The following DAPK1 variants were observed in gnomAD, a reference collection of about 807,000 sequenced individuals.
DAPK1 encodes death associated protein kinase 1.
In DAPK1, 56 loss-of-function variants were observed where a neutral mutation model predicts 144.9. The ratio of observed to expected loss-of-function variants is 0.39; its 90% CI spans 0.31 to 0.48. The LOEUF (loss-of-function observed/expected upper bound fraction) is 0.48, where lower values mean the gene tolerates loss of function less well. DAPK1 is among the 20% of genes least tolerant of loss of function. The pLI, the probability that DAPK1 is intolerant of heterozygous loss-of-function variation, is 0.95. For missense variants in DAPK1, 1,454 were observed against 1,875.4 expected (o/e 0.78, Z 4.15); for synonymous variants, 690 against 749.0 (o/e 0.92, Z 1.29).
At chr9:87,705,327 C>T (rs966416893) in intron 25 of DAPK1, among the ~76,000 whole-genome samples, 8 of 150,696 alleles carry the variant, frequency 5.3e-5, no homozygotes, top group Admixed American at 2.0e-4. Flanking sequence ...CTGCAGCCTC[C>T]GCCTCCTGGG....
chr9:87,613,967 G>A (rs544719770), intron 3 of DAPK1, among the ~76,000 whole-genome samples: 1 of 152,324 alleles, frequency 6.6e-6, no homozygotes, highest in Admixed American at 6.5e-5. Context: ...CTGGCATCCC[G>A]CTCCTCAGAT....
Position 87,587,214 on chromosome 9 carries a change from T to C in DAPK1, c.63-17740T>C, listed in dbSNP as rs36205103. Among the ~76,000 whole-genome samples the C allele has an allele frequency of 5.2e-3, 794 of 152,344 alleles. 3 individuals are homozygous for C. The highest frequency in any genetic ancestry group is 0.018 in the African/African-American group (740 of 41,586). The stretch of plus-strand genomic sequence containing the variant: ...CTCTCCGCCATGTTCTCTGCCTTCA[T>C]ATAAGGCAGCCAGCAGCATTTTACA... On this transcript the variant is annotated intron_variant, in intron 2 of 25. Transcript: ENST00000408954.
rs537671204 is a variant in DAPK1, at chr9:87,519,345, C to T, written c.62+20206C>T. ...CTGGAATAGACAGGAGTGGTATTTC[C>T]GCCCTCTTGGAGGGTTGGTGTTTAC... On this transcript the variant is annotated intron_variant, in intron 2 of 25. Coordinates refer to ENST00000408954, the MANE Select transcript of DAPK1 (RefSeq NM_004938.4). Among the ~76,000 whole-genome samples, 9 of 152,376 alleles carry T rather than the reference C, an allele frequency of 5.9e-5. No individual in the cohort carries two copies. The South Asian group carries it at 1.4e-3, about 25-fold the overall frequency.
At chr9:87,663,096 GAGTCCTCAGCCAGGGGGACCTGAAC>G (rs1334934588) in intron 18 of DAPK1, among the ~76,000 whole-genome samples, 3 of 151,894 alleles carry the variant, frequency 2.0e-5, no homozygotes, top group Admixed American at 2.0e-4. Flanking sequence ...CCTCTCCGCT[GAGTCCTCAGCCAGGGGGACCTGAAC>G]AAGTCTGCAC....
chr9:87,687,582 A>G (rs12001264), intron 21 of DAPK1, among the ~76,000 whole-genome samples: 11,389 of 152,196 alleles, frequency 0.075, 1,461 homozygotes, highest in African/African-American at 0.26. Flanking sequence ...TGCTATTGTG[A>G]ATAGTGCTGA....
chr9:87,693,457 T>A (rs1825147123), intron 21 of DAPK1, among the ~76,000 whole-genome samples: 1 of 152,120 alleles, frequency 6.6e-6, no homozygotes, highest in East Asian at 1.9e-4. Context: ...CATAATATTC[T>A]GAGTTGTTTT....
chr9:87,649,942 T>A lies in DAPK1; in HGVS notation c.1450T>A (p.Cys484Ser). The change falls in exon 16 of 26, where the codon TGT (cysteine) becomes AGT (serine). Residue 484 changes from cysteine (C) to serine (S), a missense_variant. Physicochemically the swap from Cys to Ser is moderately radical, Grantham distance 112 (BLOSUM62 -1). Around this residue, in one of 2 missense-constraint regions of DAPK1, gnomAD observed 429 missense variants for 637.5 expected, o/e 0.67. Coordinates refer to ENST00000408954, the MANE Select transcript of DAPK1 (RefSeq NM_004938.4). ...QDKEEETPLH[C>S]AAWHGYYSVA... ...CCAGGAAGAAGAAACCCCCCTGCACTGTGCTGCTTGGCACGGCTATTACTC... is the reference window on the plus strand; with the variant it reads ...CCAGGAAGAAGAAACCCCCCTGCACAGTGCTGCTTGGCACGGCTATTACTC... The A allele has an allele frequency of 6.2e-7, 1 of 1,614,230 alleles. No homozygotes were observed. Among genetic ancestry groups the A allele is most frequent in the Admixed American group, 1.7e-5 (1 of 60,030 alleles).
At chr9:87,589,973 C>T (rs968094232) in intron 2 of DAPK1, among the ~76,000 whole-genome samples, 1 of 152,140 alleles carries the variant, frequency 6.6e-6, no homozygotes, top group Non-Finnish European at 1.5e-5. Context: ...AATCTATATC[C>T]GTTTCCATTC....
intron 19 of DAPK1, among the ~76,000 whole-genome samples, chr9:87,674,650 G>A (rs1824298169): frequency 6.6e-6 from 1 of 151,944 alleles, no homozygotes; most frequent in Admixed American, 6.6e-5. Flanking sequence ...TTCACCACCT[G>A]TAAACTGCAT....
rs1454989132 is a variant in DAPK1 at position 87,645,877 on chromosome 9, T to C, written c.1012-18T>C. ...CTAGCAATGTAACTCTGTTTCCATCTTGGCTGTCTCTCTCAAGGATGAGGA... is the reference window on the plus strand; with the variant it reads ...CTAGCAATGTAACTCTGTTTCCATCCTGGCTGTCTCTCTCAAGGATGAGGA... On this transcript the variant is annotated intron_variant, in intron 11 of 25. Coordinates refer to ENST00000408954, the MANE Select transcript of DAPK1 (RefSeq NM_004938.4). 3.1e-6 allele frequency: 5 copies of C among 1,613,022 alleles called. No individual in the cohort carries two copies. The African/African-American group carries it at 6.7e-5, about 22-fold the overall frequency.
chr9:87,603,382 G>T (rs772458943), intron 2 of DAPK1, among the ~76,000 whole-genome samples: 8 of 152,156 alleles, frequency 5.3e-5, no homozygotes, highest in Non-Finnish European at 1.2e-4. Context: ...GTCGGTGCTG[G>T]CATTCCAGTG....
intron 25 of DAPK1, among the ~76,000 whole-genome samples, chr9:87,703,845 A>ATAATGT (rs1825543226): frequency 6.6e-6 from 1 of 152,246 alleles, no homozygotes. Flanking sequence ...TTCTAATGGC[A>ATAATGT]TCATATGCCT....
chr9:87,695,924 A>C (rs1362776084), intron 21 of DAPK1, among the ~76,000 whole-genome samples: 1 of 152,194 alleles, frequency 6.6e-6, no homozygotes, highest in African/African-American at 2.4e-5. Context: ...TGGGAATCAC[A>C]AACCTAATGT....
chr9:87,707,009 T>C lies in DAPK1; in HGVS notation c.3938T>C (p.Leu1313Pro). Residue 1313 changes from leucine (L) to proline (P), a missense_variant, in exon 26 of 26, where the codon CTG becomes CCG. By Grantham distance (98) the Leu-to-Pro change is moderately conservative. This residue lies in a region of DAPK1 where 1,025 missense variants were observed against 1,237.9 expected (regional missense o/e 0.83). Transcript: ENST00000408954. This position sits in a 1 kb window ranked among gnomAD's most constrained non-coding sequence, Gnocchi z 4.0. ...SDLNLLTRRK[L>P]SRLLDPPDPL... is the part of the protein sequence containing the mutation. ...CTGAACCTCCTCACTCGGAGGAAACTGAGTCGCCTGCTGGACCCGCCCGAC... is the reference window on the plus strand; with the variant it reads ...CTGAACCTCCTCACTCGGAGGAAACCGAGTCGCCTGCTGGACCCGCCCGAC... 1 of 1,613,556 alleles carries C rather than the reference T, an allele frequency of 6.2e-7. No individual in the cohort carries two copies. Among genetic ancestry groups the C allele is most frequent in the Non-Finnish European group, 8.5e-7 (1 of 1,179,908 alleles).
At chr9:87,669,648 C>A (rs1279962299) in intron 19 of DAPK1, among the ~76,000 whole-genome samples, 1 of 151,928 alleles carries the variant, frequency 6.6e-6, no homozygotes, top group African/African-American at 2.4e-5. Flanking sequence ...TCCAGATATC[C>A]CACAAAGTTC....
intron 19 of DAPK1, among the ~76,000 whole-genome samples, chr9:87,672,156 T>C (rs1824188006): frequency 6.6e-6 from 1 of 152,166 alleles, no homozygotes; most frequent in African/African-American, 2.4e-5. Flanking sequence ...TTTCCTGTTA[T>C]TGTTGGAACC....
At chr9:87,693,872 G>A (rs1825164413) in intron 21 of DAPK1, among the ~76,000 whole-genome samples, 1 of 152,156 alleles carries the variant, frequency 6.6e-6, no homozygotes, top group Non-Finnish European at 1.5e-5. Context: ...GTGGCTTAGG[G>A]TATGGTTGTT....
At chr9:87,662,303 G>A (rs1437373656) in intron 18 of DAPK1, among the ~76,000 whole-genome samples, 1 of 152,080 alleles carries the variant, frequency 6.6e-6, no homozygotes, top group Admixed American at 6.6e-5. Context: ...TGGCTATTTA[G>A]GACCTTTTGT....
At chr9:87,518,102 G>GTTTTTTTTT (rs1405931107) in intron 2 of DAPK1, among the ~76,000 whole-genome samples, 2 of 38,368 alleles carry the variant, frequency 5.2e-5, no homozygotes, top group African/African-American at 8.7e-5. Flanking sequence ...CGTTTATGTT[G>GTTTTTTTTT]TTGTTTTTTT....
Sources: gnomAD v4.1 joint callset for allele counts (sites outside exome capture counted in the v4.1 genomes callset) on GRCh38, gnomAD v4.1.1 for gene constraint, gnomAD v4.1.1 regional missense constraint, Gnocchi (gnomAD v3.1) non-coding constraint, MANE v1.5 for transcripts, NCBI Gene and HGNC (gene_info 2026-07-23, HGNC 2026-07-21) for gene names.